PRKCG: variants seen among roughly 807,000 people sequenced by gnomAD.
PRKCG encodes the protein protein kinase C gamma, also known as protein kinase C gamma type.
Under a neutral mutation model 82.0 loss-of-function variants are expected in PRKCG, and 28 were observed. The observed-to-expected ratio is 0.34, with a 90% CI of 0.25 to 0.47. The LOEUF (loss-of-function observed/expected upper bound fraction) is 0.47, where lower values mean the gene tolerates loss of function less well. Among genes scored for constraint, PRKCG ranks in the 20% least tolerant of loss-of-function variants. The probability of loss-of-function intolerance (pLI) is 1.00; values close to 1 mark genes in which losing one functional copy is unlikely to be tolerated. For synonymous variants in PRKCG, 383 were observed against 376.6 expected, an observed-to-expected ratio of 1.02 and a Z score of -0.20; for missense variants, 640 against 952.7, an observed-to-expected ratio of 0.67 and a Z score of 4.32.
rs2068614180 is a variant in PRKCG at position 53,884,131 on chromosome 19, C to T, written c.203-30C>T. ...CTCCCGCTGGACTAATCCATGCCTC[C>T]GTCTGTGTCTCTATGATTTTCATCT... On this transcript the variant is annotated intron_variant, in intron 2 of 17. Transcript: ENST00000263431. The surrounding 1 kb of genome is among the most constrained non-coding windows in gnomAD (Gnocchi z 4.6). The T allele has an allele frequency of 4.3e-6, 7 of 1,609,726 alleles. No homozygotes were observed. Among genetic ancestry groups the T allele is most frequent in the Admixed American group, 3.3e-5 (2 of 59,988 alleles).
In PRKCG at chr19:53,892,533, G is replaced by A. The variant is rs116236420; in HGVS notation, c.711G>A (p.Glu237=). Residue 237 remains glutamate, a synonymous_variant, in exon 7 of 18, where the codon GAG becomes GAA. Coordinates refer to ENST00000263431, the MANE Select transcript of PRKCG (RefSeq NM_002739.5). This position sits in a 1 kb window ranked among gnomAD's most constrained non-coding sequence, Gnocchi z 5.9. ...GCAACCTGAAGCCAGGGGATGTGGA[G>A]CGCCGGCTCAGCGTGGAGGTGTGGG... ...FVFNLKPGDV[E]RRLSVEVWDW... The A allele has an allele frequency of 2.4e-5, 39 of 1,612,952 alleles. No individual in the cohort carries two copies. In the East Asian group the frequency reaches 4.5e-4, roughly 18 times the overall value.
In PRKCG at chr19:53,897,910, G is replaced by T. The variant is rs529592223; in HGVS notation, c.940-49G>T. 2.0e-5 allele frequency: 32 copies of T among 1,611,778 alleles called. No homozygotes were observed. In the South Asian group the frequency reaches 3.1e-4, roughly 15 times the overall value. ...TGTCTCTTGGGAGCATTTCCTTATC[G>T]CTGTGTAAGGTCTAACTGCCTCTGG... On this transcript the variant is annotated intron_variant, in intron 9 of 17. Coordinates refer to ENST00000263431, the MANE Select transcript of PRKCG (RefSeq NM_002739.5).
chr19:53,900,901 C>A lies in PRKCG; in HGVS notation c.1575+152C>A. On this transcript the variant is annotated intron_variant, in intron 14 of 17. Coordinates refer to ENST00000263431, the MANE Select transcript of PRKCG (RefSeq NM_002739.5). This position sits in a 1 kb window ranked among gnomAD's most constrained non-coding sequence, Gnocchi z 4.2. ...AGCCAGTCGTTCCTCCAGCCTCCAG[C>A]ACAGGTGAGCTTGGCACTGAGCCTG... is the stretch of plus-strand genomic sequence containing the variant. The A allele has an allele frequency of 1.4e-6, 2 of 1,383,950 alleles. No individual in the cohort carries two copies. The highest frequency in any genetic ancestry group is 1.0e-6 in the Non-Finnish European group (1 of 989,424). The allele number at this position is 1,383,950 out of a possible 1,614,324, so 85.7% of individuals were successfully genotyped here. A position where few individuals can be genotyped will look rare whatever the true frequency, so the allele number is the denominator to read the frequency against.
At chr19:53,888,704 A>G (rs867590469) in intron 3 of PRKCG, among the ~76,000 whole-genome samples, 1 of 151,788 alleles carries the variant, frequency 6.6e-6, no homozygotes. Flanking sequence ...CTGGGTTCCT[A>G]TTATAACTGA....
intron 9 of PRKCG, among the ~76,000 whole-genome samples, chr19:53,895,916 T>C (rs1196272294): frequency 1.3e-5 from 2 of 151,844 alleles, no homozygotes; most frequent in Non-Finnish European, 2.9e-5. Context: ...AAAAATTAGC[T>C]GGGCGTGGTG....
At chr19:53,890,094 G>C (rs1381858152) in intron 5 of PRKCG, 77 bp downstream of exon 5, 2 of 1,465,598 alleles carry the variant, frequency 1.4e-6, no homozygotes, top group Non-Finnish European at 1.8e-6. Flanking sequence ...ACTTGTGCTG[G>C]CCCAGCCCTA....
rs1167417075 is a variant in PRKCG at position 53,906,807 on chromosome 19, A to G, written c.2006A>G (p.Asp669Gly). 1 of 1,613,464 alleles carries G rather than the reference A, an allele frequency of 6.2e-7. No homozygotes were observed. Among genetic ancestry groups the G allele is most frequent in the Non-Finnish European group, 8.5e-7 (1 of 1,179,970 alleles). Residue 669 changes from aspartate (D) to glycine (G), a missense_variant, in exon 18 of 18, where the codon GAT becomes GGT. By Grantham distance (94) the Asp-to-Gly change is moderately conservative. Coordinates refer to ENST00000263431, the MANE Select transcript of PRKCG (RefSeq NM_002739.5). ...GTCCTGGCCAGCATCGACCAGGCCG[A>G]TTTCCAGGGCTTCACCTACGTGAAC... ...RLVLASIDQA[D>G]FQGFTYVNPD... is the part of the protein sequence containing the mutation.
rs55803961 is a variant in PRKCG at position 53,906,844 on chromosome 19, G to C, written c.2043G>C (p.Val681=). ...TCACCTACGTGAACCCCGACTTCGT[G>C]CACCCGGATGCCCGCAGCCCCACCA... ...QGFTYVNPDF[V]HPDARSPTSP... is the part of the protein sequence containing the mutation. The change falls in exon 18 of 18, where the codon GTG becomes GTC. Residue 681 remains valine (V), a synonymous_variant. Transcript: ENST00000263431. The C allele has an allele frequency of 3.8e-5, 62 of 1,613,552 alleles. No homozygotes were observed. The Middle Eastern group carries it at 6.6e-4, about 17-fold the overall frequency.
At position 53,883,961 on chromosome 19, in the gene PRKCG, C is replaced by A. The variant is rs1201826571; in HGVS notation, c.203-200C>A. Among the ~76,000 whole-genome samples the A allele has an allele frequency of 6.6e-6, 1 of 152,020 alleles. No individual in the cohort carries two copies. Among genetic ancestry groups the A allele is most frequent in the Non-Finnish European group, 1.5e-5 (1 of 68,008 alleles). ...TGCGTCTCTGTTTCTGACTCTGAGCCCATCTCTTGGGTTTCTGTCTCCTGC... is the reference window on the plus strand; with the variant it reads ...TGCGTCTCTGTTTCTGACTCTGAGCACATCTCTTGGGTTTCTGTCTCCTGC... On this transcript the variant is annotated intron_variant, in intron 2 of 17. Coordinates refer to ENST00000263431, the MANE Select transcript of PRKCG (RefSeq NM_002739.5). This position sits in a 1 kb window ranked among gnomAD's most constrained non-coding sequence, Gnocchi z 5.4.
At position 53,892,869 on chromosome 19, in the gene PRKCG, T is replaced by G; in HGVS notation, c.822-119T>G. 1 of 1,105,400 alleles carries G rather than the reference T, an allele frequency of 9.0e-7. No homozygotes were observed. The highest frequency in any genetic ancestry group is 1.3e-6 in the Non-Finnish European group (1 of 748,260). 68.5% of individuals were successfully genotyped at this position (1,105,400 alleles called of 1,614,324 possible). On this transcript the variant is annotated intron_variant, in intron 7 of 17. Transcript: ENST00000263431. The surrounding 1 kb of genome is among the most constrained non-coding windows in gnomAD (Gnocchi z 5.9). ...TCTCCCTCTCTTTTTATCTCACTCT[T>G]TCTCTCTTCCATCTCTGTGTCCGTC...
At position 53,882,802 on chromosome 19, in the gene PRKCG, G is replaced by T; in HGVS notation, c.170+138G>T. 4.0e-6 allele frequency: 5 copies of T among 1,250,770 alleles called. No individual in the cohort carries two copies. Among genetic ancestry groups the T allele is most frequent in the Non-Finnish European group, 5.4e-6 (5 of 924,070 alleles). The allele number at this position is 1,250,770 out of a possible 1,614,324, so 77.5% of individuals were successfully genotyped here. On this transcript the variant is annotated intron_variant, in intron 1 of 17. Coordinates refer to ENST00000263431, the MANE Select transcript of PRKCG (RefSeq NM_002739.5). This position sits in a 1 kb window ranked among gnomAD's most constrained non-coding sequence, Gnocchi z 6.1. Reference sequence around the variant, plus strand: ...TTCTAGGATGGCCAGGGAACGCTGGGAGCTTCGACTCCTGGGTTTCAGTGA... The same window carrying T: ...TTCTAGGATGGCCAGGGAACGCTGGTAGCTTCGACTCCTGGGTTTCAGTGA...
At chr19:53,901,996 T>A (rs1440724267) in intron 14 of PRKCG, among the ~76,000 whole-genome samples, 5 of 151,686 alleles carry the variant, frequency 3.3e-5, no homozygotes, top group South Asian at 2.1e-4. Flanking sequence ...TGAATGTACG[T>A]ATAGATGGAT....
intron 3 of PRKCG, among the ~76,000 whole-genome samples, chr19:53,888,587 AG>A: frequency 6.6e-6 from 1 of 152,220 alleles, no homozygotes; most frequent in Non-Finnish European, 1.5e-5. Flanking sequence ...AGGGCTATGT[AG>A]GGACTTCAAT....
In PRKCG at chr19:53,882,370, C is replaced by G; in HGVS notation, c.-125C>G. The G allele has an allele frequency of 7.0e-7, 1 of 1,419,098 alleles. No homozygotes were observed. The highest frequency in any genetic ancestry group is 9.6e-7 in the Non-Finnish European group (1 of 1,038,310). The allele number at this position is 1,419,098 out of a possible 1,614,324, so 87.9% of individuals were successfully genotyped here. A position where few individuals can be genotyped will look rare whatever the true frequency, so the allele number is the denominator to read the frequency against. The stretch of plus-strand genomic sequence containing the variant: ...GCTCCGCACCTGGAGGTGCCTTGCC[C>G]CTCTCCTGCCCACCTCGGAATTTCC... On this transcript the variant is annotated 5_prime_UTR_variant, in exon 1 of 18. Coordinates refer to ENST00000263431, the MANE Select transcript of PRKCG (RefSeq NM_002739.5). This position sits in a 1 kb window ranked among gnomAD's most constrained non-coding sequence, Gnocchi z 6.1.
At chr19:53,896,548 T>A (rs1487675093) in intron 9 of PRKCG, among the ~76,000 whole-genome samples, 3 of 152,244 alleles carry the variant, frequency 2.0e-5, no homozygotes, top group East Asian at 3.9e-4. Context: ...GCCTCCCAAG[T>A]AGCTGGGACT....
chr19:53,891,907 G>A, intron 6 of PRKCG, 77 bp downstream of exon 6: 1 of 1,588,738 alleles, frequency 6.3e-7, no homozygotes, highest in Non-Finnish European at 8.6e-7. Context: ...CCAGAGAGCA[G>A]CTGATGGGAG....
intron 17 of PRKCG, 68 bp from the exon 18 acceptor site, chr19:53,906,639 G>A (rs1031758208): frequency 4.5e-6 from 7 of 1,572,112 alleles, no homozygotes; most frequent in Non-Finnish European, 6.1e-6. Flanking sequence ...ATGAGACTGG[G>A]GTACACAGAG....
intron 14 of PRKCG, among the ~76,000 whole-genome samples, chr19:53,901,403 G>C (rs1462366975): frequency 6.6e-6 from 1 of 151,992 alleles, no homozygotes; most frequent in Non-Finnish European, 1.5e-5. Flanking sequence ...AATTAGCCGG[G>C]CGTGGTGGCA....
At position 53,889,412 on chromosome 19, in the gene PRKCG, T is replaced by G. The variant is rs1328870489; in HGVS notation, c.286-226T>G. Among the ~76,000 whole-genome samples, 1 of 150,598 alleles carries G rather than the reference T, an allele frequency of 6.6e-6. No individual in the cohort carries two copies. Among genetic ancestry groups the G allele is most frequent in the African/African-American group, 2.5e-5 (1 of 39,968 alleles). On this transcript the variant is annotated intron_variant, in intron 3 of 17. Coordinates refer to ENST00000263431, the MANE Select transcript of PRKCG (RefSeq NM_002739.5). This position sits in a 1 kb window ranked among gnomAD's most constrained non-coding sequence, Gnocchi z 4.4. Reference sequence around the variant, plus strand: ...TCCCTCCATTAGGAAGTAAACTCCATGTGACAAAGAGGTTTTTTTTTTTCA... The same window carrying G: ...TCCCTCCATTAGGAAGTAAACTCCAGGTGACAAAGAGGTTTTTTTTTTTCA...
Sources: gnomAD v4.1 joint callset for allele counts (sites outside exome capture counted in the v4.1 genomes callset) on GRCh38, gnomAD v4.1.1 for gene constraint, Gnocchi (gnomAD v3.1) non-coding constraint, MANE v1.5 for transcripts, NCBI Gene and HGNC (gene_info 2026-07-23, HGNC 2026-07-21) for gene names.